Variants in MYO3B observed in about 807,000 individuals in gnomAD.
The protein encoded by MYO3B is myosin IIIB.
In MYO3B, 156 loss-of-function variants were observed where a neutral mutation model predicts 174.6. The observed-to-expected ratio is 0.89, with a 90% CI of 0.78 to 1.02. MYO3B has a LOEUF of 1.02. MYO3B is among the 50% of genes least tolerant of loss of function. The pLI, the probability that MYO3B is intolerant of heterozygous loss-of-function variation, is 0.00. For missense variants in MYO3B, 1,632 were observed against 1,639.4 expected (o/e 1.00, Z 0.08); for synonymous variants, 563 against 569.1 (o/e 0.99, Z 0.15).
At chr2:170,453,255 T>TCTATC (rs745859972) in intron 23 of MYO3B, among the ~76,000 whole-genome samples, 1 of 152,160 alleles carries the variant, frequency 6.6e-6, no homozygotes, top group Non-Finnish European at 1.5e-5. Context: ...CAGCCCACGT[T>TCTATC]CTATCCTGTG....
At chr2:170,461,466 C>CAAAAAA (rs1178003357) in intron 23 of MYO3B, among the ~76,000 whole-genome samples, 2 of 42,308 alleles carry the variant, frequency 4.7e-5, no homozygotes, top group African/African-American at 1.6e-4. Context: ...AACTCAGTCT[C>CAAAAAA]AAAAAAAAAA....
chr2:170,649,085 T>C (rs184244074), intron 32 of MYO3B, among the ~76,000 whole-genome samples: 652 of 75,884 alleles, frequency 8.6e-3, no homozygotes, highest in Admixed American at 0.021. Context: ...ATATATAAAA[T>C]AATATATAAT....
intron 32 of MYO3B, among the ~76,000 whole-genome samples, chr2:170,557,058 A>T (rs1412311952): frequency 2.0e-5 from 3 of 150,814 alleles, no homozygotes; most frequent in Non-Finnish European, 4.4e-5. Flanking sequence ...ATACAGTCCT[A>T]CGTTAGATAC....
intron 32 of MYO3B, among the ~76,000 whole-genome samples, chr2:170,604,306 G>A (rs552447978): frequency 2.9e-4 from 44 of 152,268 alleles, no homozygotes; most frequent in Non-Finnish European, 2.9e-4. Context: ...TGTAGCCTTA[G>A]AATTGTATGT....
intron 32 of MYO3B, among the ~76,000 whole-genome samples, chr2:170,639,907 G>A (rs923994701): frequency 6.6e-6 from 1 of 152,170 alleles, no homozygotes; most frequent in Admixed American, 6.5e-5. Flanking sequence ...GAGCCCTTAT[G>A]TCTACTTTGG....
intron 1 of MYO3B, among the ~76,000 whole-genome samples, chr2:170,190,188 CCAAA>C (rs1175841830): frequency 2.0e-5 from 3 of 152,236 alleles, no homozygotes; most frequent in East Asian, 3.9e-4. Flanking sequence ...TTACTTTCTC[CCAAA>C]CAAACAGAGT....
chr2:170,602,262 C>T (rs768225430), intron 32 of MYO3B: 2 of 796,644 alleles, frequency 2.5e-6, no homozygotes, highest in Non-Finnish European at 4.4e-6. Flanking sequence ...GGCACACAGT[C>T]ACCCAGTGCC....
chr2:170,589,968 G>A (rs576384265), intron 32 of MYO3B, among the ~76,000 whole-genome samples: 14 of 152,020 alleles, frequency 9.2e-5, no homozygotes, highest in Non-Finnish European at 1.3e-4. Context: ...AAATACCATC[G>A]TATTGTAATT....
chr2:170,458,825 A>G (rs1281713708), intron 23 of MYO3B, among the ~76,000 whole-genome samples: 1 of 152,240 alleles, frequency 6.6e-6, no homozygotes, highest in Non-Finnish European at 1.5e-5. Context: ...TGAATATGCA[A>G]ATATACAAGA....
chr2:170,475,783 G>A (rs1396650740), intron 25 of MYO3B, among the ~76,000 whole-genome samples: 1 of 152,200 alleles, frequency 6.6e-6, no homozygotes, highest in Non-Finnish European at 1.5e-5. Context: ...GAGGTCTAAA[G>A]CCTTTAGCTC....
intron 32 of MYO3B, among the ~76,000 whole-genome samples, chr2:170,625,254 G>C (rs1184064063): frequency 1.3e-5 from 2 of 152,120 alleles, no homozygotes; most frequent in Non-Finnish European, 1.5e-5. Flanking sequence ...GCCTGTTATT[G>C]GTCTATTCAG....
At chr2:170,288,894 A>C (rs2093576248) in intron 7 of MYO3B, among the ~76,000 whole-genome samples, 2 of 152,072 alleles carry the variant, frequency 1.3e-5, no homozygotes, top group Admixed American at 1.3e-4. Context: ...TTCCATACTC[A>C]TTTTGATGAG....
At chr2:170,563,159 C>CA (rs1691854839) in intron 32 of MYO3B, among the ~76,000 whole-genome samples, 1 of 151,280 alleles carries the variant, frequency 6.6e-6, no homozygotes, top group African/African-American at 2.4e-5. Flanking sequence ...CACACACACA[C>CA]CCCAAGAATC....
Position 170,583,709 on chromosome 2 carries a change from T to A in MYO3B, c.3733+39721T>A, listed in dbSNP as rs114008464. Among the ~76,000 whole-genome samples the A allele has an allele frequency of 1.7e-3, 254 of 152,310 alleles. 1 individual carries two copies. Among genetic ancestry groups the A allele is most frequent in the African/African-American group, 5.7e-3 (238 of 41,558 alleles). ...TTAATCCTGACAATATCTTTTTAAGTAGGCTAGTATCTAAAATATCTAGTA... is the reference window on the plus strand; with the variant it reads ...TTAATCCTGACAATATCTTTTTAAGAAGGCTAGTATCTAAAATATCTAGTA... On this transcript the variant is annotated intron_variant, in intron 32 of 34. Coordinates refer to ENST00000408978, the MANE Select transcript of MYO3B (RefSeq NM_138995.5).
intron 32 of MYO3B, among the ~76,000 whole-genome samples, chr2:170,638,590 A>T (rs923611476): frequency 6.6e-6 from 1 of 152,142 alleles, no homozygotes; most frequent in Non-Finnish European, 1.5e-5. Context: ...GTTGGAAGGG[A>T]CTTTAAAGGG....
intron 27 of MYO3B, among the ~76,000 whole-genome samples, chr2:170,500,800 G>C (rs867087929): frequency 6.6e-6 from 1 of 152,190 alleles, no homozygotes; most frequent in Non-Finnish European, 1.5e-5. Flanking sequence ...TTTCCAGAAG[G>C]CTTTTCTAGT....
chr2:170,599,980 C>A (rs961102723), intron 32 of MYO3B, among the ~76,000 whole-genome samples: 9 of 151,996 alleles, frequency 5.9e-5, no homozygotes, highest in African/African-American at 2.2e-4. Flanking sequence ...ATAAGTCAGC[C>A]ATAATTGTTG....
chr2:170,574,522 A>G (rs1346101306), intron 32 of MYO3B, among the ~76,000 whole-genome samples: 1 of 152,198 alleles, frequency 6.6e-6, no homozygotes, highest in African/African-American at 2.4e-5. Context: ...CAGAAGATAA[A>G]TAAGAATATT....
chr2:170,387,192 C>G lies in MYO3B; in HGVS notation c.1461C>G (p.Asp487Glu), dbSNP rs374656739. 6.8e-6 allele frequency: 11 copies of G among 1,614,038 alleles called. No individual in the cohort carries two copies. The highest frequency in any genetic ancestry group is 3.3e-5 in the South Asian group (3 of 91,088). ...AFGNSCTAIN[D>E]NSSRFGKYLE... ...GGAACTCATGCACTGCCATCAATGACAACTCGAGCCGTTTTGGAAAATATC... is the reference window on the plus strand; with the variant it reads ...GGAACTCATGCACTGCCATCAATGAGAACTCGAGCCGTTTTGGAAAATATC... The change falls in exon 14 of 35, where the codon GAC (aspartate) becomes GAG (glutamate). Residue 487 changes from aspartate to glutamate, a missense_variant. Transcript: ENST00000408978.
Sources: allele counts gnomAD v4.1 joint callset (sites outside exome capture counted in the v4.1 genomes callset), GRCh38; gene constraint gnomAD v4.1.1; transcripts MANE v1.5; gene names NCBI Gene and HGNC (gene_info 2026-07-23, HGNC 2026-07-21).